Variants in LPP observed in about 807,000 individuals in gnomAD.
LPP encodes LIM domain containing preferred translocation partner in lipoma, also known as lipoma-preferred partner.
In LPP, 38 loss-of-function variants were observed where a neutral mutation model predicts 60.4. The ratio of observed to expected loss-of-function variants is 0.63; its 90% confidence interval spans 0.49 to 0.83. The LOEUF is 0.83. Ranked by LOEUF, LPP falls within the 40% of genes least tolerant of loss-of-function variation. The pLI, the probability that LPP is intolerant of heterozygous loss-of-function variation, is 0.00. For synonymous variants in LPP, 328 were observed against 290.8 expected (o/e 1.13, Z -1.30); for missense variants, 902 against 783.6 (o/e 1.15, Z -1.80).
chr3:188,759,407 A>G (rs1313444681), intron 8 of LPP: 1 of 152,238 alleles, frequency 6.6e-6, no homozygotes, highest in East Asian at 1.9e-4. Context: ...GGAATAACAG[A>G]CTTGGAAGCA....
chr3:188,753,904 A>G (rs1729137764), intron 8 of LPP, among the ~76,000 whole-genome samples: 2 of 152,234 alleles, frequency 1.3e-5, no homozygotes, highest in Admixed American at 1.3e-4. Context: ...AATCAGATAT[A>G]CACAAGCACA....
At chr3:188,516,672 C>T (rs1226003938) in intron 5 of LPP, among the ~76,000 whole-genome samples, 2 of 138,668 alleles carry the variant, frequency 1.4e-5, no homozygotes, top group African/African-American at 6.3e-5. Flanking sequence ...GAGAACACCT[C>T]ACTTTGAGAA....
chr3:188,210,419 G>A (rs1008326597), intron 1 of LPP, among the ~76,000 whole-genome samples: 5 of 152,190 alleles, frequency 3.3e-5, no homozygotes, highest in Non-Finnish European at 4.4e-5. Context: ...TTTCAGTTCC[G>A]TGTAAGGAAG....
intron 4 of LPP, among the ~76,000 whole-genome samples, chr3:188,421,239 T>C (rs1787714414): frequency 6.6e-6 from 1 of 152,212 alleles, no homozygotes; most frequent in Non-Finnish European, 1.5e-5. Context: ...TAAAATGTCA[T>C]ATTTGTTCTG....
chr3:188,763,748 A>G (rs1490416660), intron 9 of LPP, among the ~76,000 whole-genome samples: 1 of 152,102 alleles, frequency 6.6e-6, no homozygotes, highest in African/African-American at 2.4e-5. Context: ...GTCAAAATGT[A>G]TTGTGTGTTT....
intron 3 of LPP, among the ~76,000 whole-genome samples, chr3:188,376,342 G>T (rs1407849991): frequency 6.6e-6 from 1 of 152,014 alleles, no homozygotes; most frequent in African/African-American, 2.4e-5. Context: ...GGGAGTCTAA[G>T]TCTCTTTGTA....
intron 2 of LPP, among the ~76,000 whole-genome samples, chr3:188,237,290 G>A (rs1003099530): frequency 6.6e-6 from 1 of 152,020 alleles, no homozygotes; most frequent in Non-Finnish European, 1.5e-5. Flanking sequence ...TCCTCCACTG[G>A]TCTTGAACCA....
chr3:188,538,141 AT>A (rs1375946178), intron 6 of LPP, among the ~76,000 whole-genome samples: 2 of 152,222 alleles, frequency 1.3e-5, no homozygotes, highest in African/African-American at 4.8e-5. Context: ...GGTTCATGAA[AT>A]TGGGTTAGTC....
chr3:188,513,399 A>G (rs1334437133), intron 5 of LPP, among the ~76,000 whole-genome samples: 1 of 152,176 alleles, frequency 6.6e-6, no homozygotes, highest in Non-Finnish European at 1.5e-5. Context: ...CTCTGTCTGT[A>G]TATGTTTCAT....
chr3:188,793,943 C>T (rs971075046), intron 9 of LPP, among the ~76,000 whole-genome samples: 1 of 152,090 alleles, frequency 6.6e-6, no homozygotes, highest in African/African-American at 2.4e-5. Flanking sequence ...ACTGCCCCAC[C>T]GAGACTATTC....
At position 188,717,313 on chromosome 3, in the gene LPP, T is replaced by A. The variant is rs141727859; in HGVS notation, c.1240+8920T>A. On this transcript the variant is annotated intron_variant, in intron 8 of 11. Transcript: ENST00000617246. ...CTGTATAAGGAACGATGTGATTACT[T>A]TGTAAAGTGCTTAGAGGATCTCAAC... 4.7e-3 allele frequency among the ~76,000 whole-genome samples: 714 copies of A among 152,362 alleles called. 7 individuals are homozygous for A. Among genetic ancestry groups the A allele is most frequent in the African/African-American group, 0.016 (686 of 41,586 alleles).
chr3:188,260,487 TTTA>T (rs148739500), intron 2 of LPP, among the ~76,000 whole-genome samples: 9 of 151,788 alleles, frequency 5.9e-5, no homozygotes, highest in African/African-American at 1.4e-4. Flanking sequence ...AAGTGGGCTG[TTTA>T]TTATTATTAT....
Position 188,314,714 on chromosome 3 carries a change from G to A in LPP, c.-66-26949G>A, listed in dbSNP as rs182772937. On this transcript the variant is annotated intron_variant, in intron 2 of 11. Transcript: ENST00000617246. Reference sequence around the variant, plus strand: ...CATGCGCCTGTAATCCCAGCTACTCGGGAGGCTGAGGCAGGAGGATCGCTT... The same window carrying A: ...CATGCGCCTGTAATCCCAGCTACTCAGGAGGCTGAGGCAGGAGGATCGCTT... 2.5e-3 allele frequency among the ~76,000 whole-genome samples: 375 copies of A among 152,126 alleles called. 3 individuals are homozygous for A. In the South Asian group the frequency reaches 0.025, roughly 10 times the overall value.
chr3:188,850,224 TTATC>T (rs1432356505), intron 9 of LPP, among the ~76,000 whole-genome samples: 2 of 152,166 alleles, frequency 1.3e-5, no homozygotes, highest in Admixed American at 1.3e-4. Context: ...GGTATTGTGA[TTATC>T]TAAGTGAGAG....
At chr3:188,812,197 A>G (rs2151324888) in intron 9 of LPP, among the ~76,000 whole-genome samples, 1 of 152,282 alleles carries the variant, frequency 6.6e-6, no homozygotes, top group South Asian at 2.1e-4. Context: ...GCAATAAGAA[A>G]TAAAGTAAAA....
intron 3 of LPP, among the ~76,000 whole-genome samples, chr3:188,350,434 A>G (rs184360065): frequency 6.6e-6 from 1 of 152,366 alleles, no homozygotes; most frequent in Admixed American, 6.5e-5. Context: ...ACCAGCTTGC[A>G]GTGGGACTCG....
At chr3:188,478,377 T>G (rs540591538) in intron 4 of LPP, among the ~76,000 whole-genome samples, 1 of 152,332 alleles carries the variant, frequency 6.6e-6, no homozygotes, top group African/African-American at 2.4e-5. Flanking sequence ...AACAGAGCAT[T>G]TCAATGTGTG....
chr3:188,778,798 A>G (rs1738640514), intron 9 of LPP, among the ~76,000 whole-genome samples: 4 of 152,182 alleles, frequency 2.6e-5, no homozygotes, highest in Non-Finnish European at 5.9e-5. Flanking sequence ...GAGATATAAA[A>G]CTTTGTGACT....
chr3:188,635,376 G>A (rs555033596), intron 7 of LPP, among the ~76,000 whole-genome samples: 1 of 152,234 alleles, frequency 6.6e-6, no homozygotes, highest in South Asian at 2.1e-4. Context: ...TTGAACTGTG[G>A]GGCATAAATC....
Sources: gnomAD v4.1 joint callset for allele counts (sites outside exome capture counted in the v4.1 genomes callset) on GRCh38, gnomAD v4.1.1 for gene constraint, MANE v1.5 for transcripts, NCBI Gene and HGNC (gene_info 2026-07-23, HGNC 2026-07-21) for gene names.